ADRM1: variants seen among roughly 807,000 people sequenced by gnomAD.
The protein encoded by ADRM1 is ADRM1 26S proteasome ubiquitin receptor, also known as proteasomal ubiquitin receptor ADRM1.
A neutral mutation model predicts 40.1 loss-of-function variants in ADRM1; 2 were observed. The ratio of observed to expected loss-of-function variants is 0.05; its 90% CI spans 0.02 to 0.16. The LOEUF is 0.16. Ranked by LOEUF, ADRM1 falls within the 10% of genes least tolerant of loss-of-function variation. ADRM1 has a pLI of 1.00. For missense variants in ADRM1, 467 were observed against 552.5 expected (o/e 0.85, Z 1.55); for synonymous variants, 287 against 240.4 (o/e 1.19, Z -1.79).
At position 62,307,736 on chromosome 20, in the gene ADRM1, C is replaced by T. The variant is rs1372746753; in HGVS notation, c.764C>T (p.Ala255Val). Residue 255 changes from alanine (A) to valine (V), a missense_variant, in exon 7 of 10, where the codon GCA becomes GTA. Coordinates refer to ENST00000253003, the MANE Select transcript of ADRM1 (RefSeq NM_007002.4). ...APSSGNGAST[A>V]ASPTQPIQLS... ...AGTTCCGGGAATGGAGCCAGCACAGCAGCCAGCCCGACCCAGCCCATCCAG... is the reference window on the plus strand; with the variant it reads ...AGTTCCGGGAATGGAGCCAGCACAGTAGCCAGCCCGACCCAGCCCATCCAG... 1.2e-6 allele frequency: 2 copies of T among 1,611,926 alleles called. No individual in the cohort carries two copies. The highest frequency in any genetic ancestry group is 8.5e-7 in the Non-Finnish European group (1 of 1,179,802).
At chr20:62,308,496 G>T (rs374060762) in intron 9 of ADRM1, 26 bp downstream of exon 9, 3 of 1,580,872 alleles carry the variant, frequency 1.9e-6, no homozygotes, top group Non-Finnish European at 2.6e-6. Flanking sequence ...TGCACCTCCA[G>T]GCCAGAGCCA....
At chr20:62,304,388 C>T (rs960627214) in intron 2 of ADRM1, 73 bp from the exon 3 acceptor site, 8 of 1,328,170 alleles carry the variant, frequency 6.0e-6, no homozygotes, top group Non-Finnish European at 8.6e-6. Context: ...ACCCAGGGCT[C>T]AGTACGCTCT....
At position 62,307,683 on chromosome 20, in the gene ADRM1, C is replaced by G; in HGVS notation, c.711C>G (p.Ala237=). The change falls in exon 7 of 10, where the codon GCC becomes GCG. Residue 237 remains alanine (A), a synonymous_variant. Coordinates refer to ENST00000253003, the MANE Select transcript of ADRM1 (RefSeq NM_007002.4). Reference sequence around the variant, plus strand: ...CAGCCCCTTCTGCTCCAGCAGCTGCCTCAGCAACTAGCCCGAGCCCCGCGC... The same window carrying G: ...CAGCCCCTTCTGCTCCAGCAGCTGCGTCAGCAACTAGCCCGAGCCCCGCGC... ...ATPAPSAPAA[A]SATSPSPAPS... 6.2e-7 allele frequency: 1 copy of G among 1,612,324 alleles called. No homozygotes were observed. The highest frequency in any genetic ancestry group is 8.5e-7 in the Non-Finnish European group (1 of 1,179,902).
At chr20:62,304,412 A>G in intron 2 of ADRM1, 49 bp from the exon 3 acceptor site, 7 of 1,496,368 alleles carry the variant, frequency 4.7e-6, no homozygotes, top group Non-Finnish European at 6.5e-6. Context: ...GAGACTGGGC[A>G]CAGTGATGCC....
chr20:62,307,858 G>C (rs749609630), intron 7 of ADRM1, 30 bp downstream of exon 7: 11 of 1,575,070 alleles, frequency 7.0e-6, no homozygotes, highest in Non-Finnish European at 9.5e-6. Context: ...GGAGCTGGGT[G>C]GGGGGCATGG....
In ADRM1 at chr20:62,303,535, C is replaced by G. The variant is rs370371908; in HGVS notation, c.-1-33C>G. On this transcript the variant is annotated intron_variant, in intron 1 of 9. Transcript: ENST00000253003. ...TTGCCGGACCGCAGGCGACAGTGACCGCCGCGTCTCAGCGTCCTCTCCGCG... is the reference window on the plus strand; with the variant it reads ...TTGCCGGACCGCAGGCGACAGTGACGGCCGCGTCTCAGCGTCCTCTCCGCG... The G allele has an allele frequency of 5.8e-6, 9 of 1,541,564 alleles. No homozygotes were observed. The African/African-American group carries it at 1.1e-4, about 19-fold the overall frequency.
In ADRM1 at chr20:62,307,870, G is replaced by A. The variant is rs200836503; in HGVS notation, c.856+42G>A. 1.3e-3 allele frequency: 2,073 copies of A among 1,570,550 alleles called. 2 individuals carry two copies. The highest frequency in any genetic ancestry group is 1.5e-3 in the Non-Finnish European group (1,715 of 1,158,988). ...CCTGGAGCTGGGTGGGGGGCATGGGGCCTGCTGACCCTCGCACGCTCACCT... is the reference window on the plus strand; with the variant it reads ...CCTGGAGCTGGGTGGGGGGCATGGGACCTGCTGACCCTCGCACGCTCACCT... On this transcript the variant is annotated intron_variant, in intron 7 of 9. Transcript: ENST00000253003.
rs532757148 is a variant in ADRM1 at position 62,304,669 on chromosome 20, C to G, written c.330+92C>G. 5.8e-4 allele frequency: 739 copies of G among 1,280,852 alleles called. 10 individuals are homozygous for G. In the African/African-American group the frequency reaches 0.01, roughly 18 times the overall value. The allele number at this position is 1,280,852 out of a possible 1,614,324, so 79.3% of individuals were successfully genotyped here. ...GTGTGGTGCAATTGGCTTTTATAAA[C>G]CAGCAGGCGCCGGCCACACCCGGCC... On this transcript the variant is annotated intron_variant, in intron 3 of 9. Transcript: ENST00000253003.
chr20:62,304,585 G>T lies in ADRM1; in HGVS notation c.330+8G>T. ...CTTTTCTTCTGGATGCAGGTATGGG[G>T]CAGGCCTTGGGGTTGTGCCTTTTTG... On this transcript the variant is annotated splice_region_variant and intron_variant, in intron 3 of 9. Coordinates refer to ENST00000253003, the MANE Select transcript of ADRM1 (RefSeq NM_007002.4). 6.2e-7 allele frequency: 1 copy of T among 1,612,814 alleles called. No homozygotes were observed. Among genetic ancestry groups the T allele is most frequent in the South Asian group, 1.1e-5 (1 of 91,050 alleles).
At chr20:62,307,922 C>T in intron 7 of ADRM1, 94 bp downstream of exon 7, 2 of 1,546,688 alleles carry the variant, frequency 1.3e-6, no homozygotes, top group Non-Finnish European at 1.7e-6. Flanking sequence ...AGTGTGCGCG[C>T]CTGGGGTGCT....
At position 62,308,829 on chromosome 20, in the gene ADRM1, GATT is replaced by G; in HGVS notation, c.*73_*75del. The G allele has an allele frequency of 6.4e-7, 1 of 1,565,962 alleles. No homozygotes were observed. Among genetic ancestry groups the G allele is most frequent in the Admixed American group, 2.0e-5 (1 of 49,290 alleles). On this transcript the variant is annotated 3_prime_UTR_variant, in exon 10 of 10. Transcript: ENST00000253003. Reference sequence around the variant, plus strand: ...TGCACACCCTCACCTCCCACCCACTGATTATTAATAAAGTCTTTTCTTTTACCT... The same window carrying G: ...TGCACACCCTCACCTCCCACCCACTGATTAATAAAGTCTTTTCTTTTACCT...
In ADRM1 at chr20:62,303,607, A is replaced by T. The variant is rs769082289; in HGVS notation, c.39A>T (p.Pro13=). 1.2e-6 allele frequency: 2 copies of T among 1,601,318 alleles called. No homozygotes were observed. The highest frequency in any genetic ancestry group is 1.1e-5 in the South Asian group (1 of 90,970). ...TSGALFPSLV[P]GSRGASNKYL... ...GCGCGCTCTTTCCAAGCCTGGTGCC[A>T]GGCTCTCGGGGCGCCTCCAACAAGT... Residue 13 remains proline (P), a synonymous_variant, in exon 2 of 10, where the codon CCA becomes CCT. Coordinates refer to ENST00000253003, the MANE Select transcript of ADRM1 (RefSeq NM_007002.4).
rs1187308173 is a variant in ADRM1, at chr20:62,304,476, C to T, written c.229C>T (p.Pro77Ser). The part of the protein sequence containing the change: ...GNVEDDLIIF[P>S]DDCEFKRVPQ... ...GGCTTGCCAGGACTTGATCATCTTC[C>T]CTGACGACTGTGAGTTCAAGCGGGT... The change falls in exon 3 of 10, where the codon CCT becomes TCT. Residue 77 changes from proline (P) to serine (S), a missense_variant. Physicochemically the swap from Pro to Ser is moderately conservative, Grantham distance 74 (BLOSUM62 -1). Transcript: ENST00000253003. The T allele has an allele frequency of 3.1e-6, 5 of 1,613,684 alleles. No individual in the cohort carries two copies. The highest frequency in any genetic ancestry group is 2.2e-5 in the East Asian group (1 of 44,882).
intron 4 of ADRM1, 21 bp from the exon 5 acceptor site, chr20:62,306,627 C>A: frequency 6.3e-7 from 1 of 1,593,916 alleles, no homozygotes. Context: ...GCAGGCCCGC[C>A]TGAGCTGCAG....
Position 62,303,560 on chromosome 20 carries a change from G to A in ADRM1, c.-1-8G>A. The A allele has an allele frequency of 6.4e-7, 1 of 1,562,752 alleles. No homozygotes were observed. On this transcript the variant is annotated splice_polypyrimidine_tract_variant and splice_region_variant and intron_variant, in intron 1 of 9. Coordinates refer to ENST00000253003, the MANE Select transcript of ADRM1 (RefSeq NM_007002.4). ...CGCCGCGTCTCAGCGTCCTCTCCGC[G>A]CTTTCAGGATGACGACCTCAGGCGC...
At chr20:62,308,205 C>T (rs1568877544) in intron 8 of ADRM1, 27 bp downstream of exon 8, 49 of 1,587,416 alleles carry the variant, frequency 3.1e-5, no homozygotes, top group Non-Finnish European at 3.8e-5. Context: ...GGGTGTCCTC[C>T]ACTGTGTGCT....
rs755208806 is a variant in ADRM1 at position 62,303,801 on chromosome 20, A to G, written c.213+20A>G. The G allele has an allele frequency of 1.0e-5, 16 of 1,605,586 alleles. No homozygotes were observed. The Admixed American group carries it at 2.7e-4, about 27-fold the overall frequency. On this transcript the variant is annotated intron_variant, in intron 2 of 9. Transcript: ENST00000253003. Reference sequence around the variant, plus strand: ...GAAGACGTGAGTGTCCCTGAGCCGCAGCAGCAGGACAGGCGACTTCTCGGG... The same window carrying G: ...GAAGACGTGAGTGTCCCTGAGCCGCGGCAGCAGGACAGGCGACTTCTCGGG...
At chr20:62,303,914 A>C (rs1984499385) in intron 2 of ADRM1, 133 bp downstream of exon 2, 1 of 844,504 alleles carries the variant, frequency 1.2e-6, no homozygotes, top group Non-Finnish European at 1.8e-6. Flanking sequence ...TGCCCTGCTG[A>C]TGGGTCGTCC....
At chr20:62,303,931 C>G in intron 2 of ADRM1, 150 bp downstream of exon 2, 1 of 737,174 alleles carries the variant, frequency 1.4e-6, no homozygotes, top group Non-Finnish European at 2.2e-6. Flanking sequence ...GTCCTGGTTT[C>G]CGCGGTGACA....
Sources: allele counts gnomAD v4.1 joint callset, GRCh38; gene constraint gnomAD v4.1.1; transcripts MANE v1.5; gene names NCBI Gene and HGNC (gene_info 2026-07-23, HGNC 2026-07-21).